Variants in SCN3A observed in about 807,000 individuals in gnomAD.
SCN3A encodes sodium voltage-gated channel alpha subunit 3, also known as sodium channel protein type 3 subunit alpha.
In SCN3A, 60 loss-of-function variants were observed where a neutral mutation model predicts 187.6. The ratio of observed to expected loss-of-function variants is 0.32; its 90% CI spans 0.26 to 0.40. SCN3A has a LOEUF of 0.40. Ranked by LOEUF, SCN3A falls within the 10% of genes least tolerant of loss-of-function variation. The pLI is 1.00. For synonymous variants in SCN3A, 788 were observed against 829.2 expected (o/e 0.95, Z 0.85); for missense variants, 1,601 against 2,428.2 (o/e 0.66, Z 7.16).
chr2:165,099,190 T>C (rs1042521782), intron 22 of SCN3A, among the ~76,000 whole-genome samples: 2 of 152,110 alleles, frequency 1.3e-5, no homozygotes, highest in African/African-American at 4.8e-5. Context: ...GAAAGCCCTA[T>C]CACCTAGACT....
At position 165,146,980 on chromosome 2, in the gene SCN3A, C is replaced by G. The variant is rs1688389535; in HGVS notation, c.1430G>C (p.Gly477Ala). ...AASRDFSGIG[G>A]LGELLESSSE... ...AGAACTTTCCAACAGCTCTCCTAACCCACCTATTCCACTGAAATCTCTTGA... is the reference window on the plus strand; with the variant it reads ...AGAACTTTCCAACAGCTCTCCTAACGCACCTATTCCACTGAAATCTCTTGA... Residue 477 changes from glycine to alanine, a missense_variant, in exon 12 of 28, where the codon GGG becomes GCG. Gly to Ala is a moderately conservative substitution (Grantham distance 60, BLOSUM62 0). This residue lies in a region of SCN3A where 376 missense variants were observed against 476.0 expected (regional missense o/e 0.79). Transcript: ENST00000283254. 1 of 1,613,950 alleles carries G rather than the reference C, an allele frequency of 6.2e-7. No individual in the cohort carries two copies. Among genetic ancestry groups the G allele is most frequent in the Non-Finnish European group, 8.5e-7 (1 of 1,179,968 alleles).
intron 1 of SCN3A, among the ~76,000 whole-genome samples, chr2:165,190,691 G>A (rs1691544592): frequency 6.7e-6 from 1 of 149,854 alleles, no homozygotes; most frequent in Non-Finnish European, 1.5e-5. Flanking sequence ...TGATTTAAAA[G>A]GCTTTTTCAT....
chr2:165,137,697 A>G (rs1258612954), intron 15 of SCN3A, among the ~76,000 whole-genome samples, 182 bp downstream of exon 15: 1 of 152,176 alleles, frequency 6.6e-6, no homozygotes, highest in Non-Finnish European at 1.5e-5. Context: ...AACAATCAGC[A>G]TTCATACCAG....
In SCN3A at chr2:165,154,532, T is replaced by C. The variant is rs1202897340; in HGVS notation, c.1300A>G (p.Thr434Ala). 3.1e-6 allele frequency: 5 copies of C among 1,614,036 alleles called. No individual in the cohort carries two copies. Among genetic ancestry groups the C allele is most frequent in the Non-Finnish European group, 4.2e-6 (5 of 1,180,028 alleles). ...AMAYEEQNQATLEEAEQKEAE... is the reference protein window; with the variant it reads ...AMAYEEQNQAALEEAEQKEAE... The stretch of plus-strand genomic sequence containing the variant: ...TCTTTTTGTTCTGCTTCTTCCAAGG[T>C]GGCCTGATTCTGCTCCTCATAGGCC... The change falls in exon 11 of 28, where the codon ACC (threonine) becomes GCC (alanine). Residue 434 changes from threonine (T) to alanine (A), a missense_variant. Transcript: ENST00000283254.
intron 18 of SCN3A, among the ~76,000 whole-genome samples, chr2:165,118,972 C>T (rs995177250): frequency 3.9e-5 from 6 of 152,076 alleles, no homozygotes; most frequent in Non-Finnish European, 7.4e-5. Flanking sequence ...CCATGTTAGC[C>T]AGGATGGTCT....
intron 11 of SCN3A, among the ~76,000 whole-genome samples, chr2:165,152,383 A>G (rs1452466366): frequency 6.6e-6 from 1 of 152,214 alleles, no homozygotes; most frequent in African/African-American, 2.4e-5. Context: ...TGACAAATAC[A>G]CTGGATGAAA....
intron 1 of SCN3A, among the ~76,000 whole-genome samples, chr2:165,190,113 C>T (rs1164178429): frequency 6.6e-6 from 1 of 152,142 alleles, no homozygotes; most frequent in Admixed American, 6.5e-5. Context: ...CAATTACCAT[C>T]TGCTCACTTG....
At chr2:165,133,923 C>T (rs1687508077) in intron 15 of SCN3A, among the ~76,000 whole-genome samples, 1 of 151,956 alleles carries the variant, frequency 6.6e-6, no homozygotes, top group African/African-American at 2.4e-5. Context: ...TCGTAAAAAC[C>T]ATATTTTGTT....
At chr2:165,173,458 AAT>A (rs1417321583) in intron 3 of SCN3A, among the ~76,000 whole-genome samples, 1 of 152,140 alleles carries the variant, frequency 6.6e-6, no homozygotes, top group Non-Finnish European at 1.5e-5. Context: ...CTATATAGTA[AAT>A]GAGTTCAAGA....
Position 165,100,283 on chromosome 2 carries a change from G to T in SCN3A, c.3966+19C>A. The T allele has an allele frequency of 6.2e-7, 1 of 1,612,188 alleles. No homozygotes were observed. The highest frequency in any genetic ancestry group is 1.1e-5 in the South Asian group (1 of 90,944). On this transcript the variant is annotated intron_variant, in intron 22 of 27. Coordinates refer to ENST00000283254, the MANE Select transcript of SCN3A (RefSeq NM_006922.4). The stretch of plus-strand genomic sequence containing the variant: ...CATGTAATTTTGACATGAATAATTA[G>T]AGTGTCTATTCTTCTTACCCTCATG...
At chr2:165,093,607 A>T in intron 26 of SCN3A, 1 of 152,218 alleles carries the variant, frequency 6.6e-6, no homozygotes, top group South Asian at 2.1e-4. Flanking sequence ...TTTAATTTTT[A>T]AAGAACTCTA....
At chr2:165,108,105 G>A (rs1574120978) in intron 21 of SCN3A, among the ~76,000 whole-genome samples, 1 of 152,178 alleles carries the variant, frequency 6.6e-6, no homozygotes, top group East Asian at 1.9e-4. Flanking sequence ...GGTGGCACCT[G>A]TACACAGTGT....
Position 165,162,746 on chromosome 2 carries a change from G to A in SCN3A, c.777C>T (p.Ser259=), listed in dbSNP as rs776904340. The change falls in exon 8 of 28, where the codon AGC becomes AGT. Residue 259 remains serine (S), a synonymous_variant. Coordinates refer to ENST00000283254, the MANE Select transcript of SCN3A (RefSeq NM_006922.4). ...DVMILTVFCL[S]VFALIGLQLF... ...GCTGCAGCCCAATGAGAGCAAACACGCTCAGACAGAACACAGTCAGGATCA... is the reference window on the plus strand; with the variant it reads ...GCTGCAGCCCAATGAGAGCAAACACACTCAGACAGAACACAGTCAGGATCA... 2.6e-5 allele frequency: 42 copies of A among 1,613,948 alleles called. 1 individual carries two copies. The highest frequency in any genetic ancestry group is 4.0e-5 in the African/African-American group (3 of 74,888).
chr2:165,185,406 A>C (rs765986585), intron 2 of SCN3A, among the ~76,000 whole-genome samples: 36 of 152,210 alleles, frequency 2.4e-4, no homozygotes, highest in Non-Finnish European at 4.6e-4. Flanking sequence ...AATTCTGGCC[A>C]AGGAAAGGTG....
intron 17 of SCN3A, 85 bp downstream of exon 17, chr2:165,129,855 A>C: frequency 2.0e-6 from 3 of 1,528,096 alleles, no homozygotes; most frequent in South Asian, 1.1e-5. Flanking sequence ...ACTATAAACC[A>C]GAGATATGTT....
chr2:165,122,230 C>CTTTCTTTT, intron 18 of SCN3A, among the ~76,000 whole-genome samples: 1 of 113,918 alleles, frequency 8.8e-6, no homozygotes, highest in Non-Finnish European at 1.8e-5. Context: ...TTCTTTCTTT[C>CTTTCTTTT]TTTTTTTTCT....
At chr2:165,179,054 C>G (rs1015450484) in intron 2 of SCN3A, among the ~76,000 whole-genome samples, 2 of 151,940 alleles carry the variant, frequency 1.3e-5, no homozygotes, top group African/African-American at 4.8e-5. Flanking sequence ...TGGCTCTTCT[C>G]CAGTGCTGAA....
intron 18 of SCN3A, among the ~76,000 whole-genome samples, chr2:165,118,633 C>G (rs1686489375): frequency 6.6e-6 from 1 of 152,116 alleles, no homozygotes; most frequent in African/African-American, 2.4e-5. Flanking sequence ...GTGGCCCAGA[C>G]TGGAGTGCTG....
chr2:165,104,932 C>T (rs964109975), intron 21 of SCN3A, among the ~76,000 whole-genome samples: 1 of 152,094 alleles, frequency 6.6e-6, no homozygotes, highest in African/African-American at 2.4e-5. Flanking sequence ...GAAGATACAA[C>T]AAGAAGAGTT....
Sources: gnomAD v4.1 joint callset for allele counts (sites outside exome capture counted in the v4.1 genomes callset) on GRCh38, gnomAD v4.1.1 for gene constraint, gnomAD v4.1.1 regional missense constraint, MANE v1.5 for transcripts, NCBI Gene and HGNC (gene_info 2026-07-23, HGNC 2026-07-21) for gene names.